The following ZBTB46 variants were observed in gnomAD, a reference collection of about 807,000 sequenced individuals.
ZBTB46 encodes the protein zinc finger and BTB domain containing 46.
ZBTB46 carries 8 observed loss-of-function variants against 44.1 expected under a neutral mutation model. The observed-to-expected ratio is 0.18, with a 90% CI of 0.11 to 0.33. ZBTB46 has a LOEUF of 0.33. Ranked by LOEUF, ZBTB46 falls within the 10% of genes least tolerant of loss-of-function variation. The pLI is 1.00. For missense variants in ZBTB46, 651 were observed against 847.7 expected (o/e 0.77, Z 2.88); for synonymous variants, 409 against 382.3 (o/e 1.07, Z -0.81).
At chr20:63,759,666 AG>A (rs1355093158) in intron 3 of ZBTB46, among the ~76,000 whole-genome samples, 1 of 152,210 alleles carries the variant, frequency 6.6e-6, no homozygotes, top group East Asian at 1.9e-4. Context: ...CAACCCGGGC[AG>A]GATCTCCAGC....
intron 1 of ZBTB46, chr20:63,808,076 C>A (rs559397362): frequency 6.5e-6 from 1 of 153,126 alleles, no homozygotes; most frequent in South Asian, 2.0e-4. Context: ...GGGACACTCA[C>A]GGAAGCTGAA....
chr20:63,802,809 G>A (rs2145989539), intron 1 of ZBTB46, among the ~76,000 whole-genome samples: 1 of 148,604 alleles, frequency 6.7e-6, no homozygotes, highest in East Asian at 2.0e-4. Context: ...CCGAACCTCA[G>A]GCCCCCAGCA....
intron 2 of ZBTB46, chr20:63,788,092 C>T (rs1270523952): frequency 6.6e-6 from 1 of 152,328 alleles, no homozygotes; most frequent in East Asian, 1.9e-4. Context: ...ACGGGCAGCA[C>T]CTGCTAGGAC....
chr20:63,826,587 T>C (rs2092820640), intron 1 of ZBTB46, among the ~76,000 whole-genome samples: 3 of 149,766 alleles, frequency 2.0e-5, no homozygotes, highest in Middle Eastern at 7.0e-3. Context: ...TAGCCGGGCA[T>C]GTTGGCAGAC....
chr20:63,812,252 G>A (rs539595381), intron 1 of ZBTB46, among the ~76,000 whole-genome samples: 1 of 152,354 alleles, frequency 6.6e-6, no homozygotes, highest in East Asian at 1.9e-4. Context: ...GCTCAGGCCT[G>A]TGATCCCAGC....
intron 3 of ZBTB46, among the ~76,000 whole-genome samples, chr20:63,763,852 T>C (rs1315465287): frequency 6.6e-6 from 1 of 152,258 alleles, no homozygotes; most frequent in Non-Finnish European, 1.5e-5. Context: ...AATAGTGTCA[T>C]ATGTTTTGCT....
At chr20:63,781,868 A>G (rs1268112901) in intron 2 of ZBTB46, among the ~76,000 whole-genome samples, 1 of 151,596 alleles carries the variant, frequency 6.6e-6, no homozygotes, top group Non-Finnish European at 1.5e-5. Context: ...GGCAGATCAC[A>G]AGGTCAGGAG....
intron 3 of ZBTB46, chr20:63,768,086 C>A: frequency 1.0e-6 from 1 of 985,432 alleles, no homozygotes; most frequent in Non-Finnish European, 1.2e-6. Context: ...GGATGTTGTC[C>A]AATCACTACT....
chr20:63,811,987 T>C (rs1414932114), intron 1 of ZBTB46, among the ~76,000 whole-genome samples: 1 of 152,174 alleles, frequency 6.6e-6, no homozygotes, highest in Admixed American at 6.5e-5. Flanking sequence ...CATTAAAATA[T>C]TCAAAAGAAC....
intron 1 of ZBTB46, among the ~76,000 whole-genome samples, chr20:63,828,331 G>A (rs998104939): frequency 1.3e-5 from 2 of 152,256 alleles, no homozygotes; most frequent in Non-Finnish European, 2.9e-5. Context: ...GACGGCAAGA[G>A]GACCACAATC....
upstream of ZBTB46, among the ~76,000 whole-genome samples, chr20:63,831,619 T>G (rs943665656): frequency 6.8e-6 from 1 of 146,350 alleles, no homozygotes; most frequent in Non-Finnish European, 1.5e-5. Context: ...GGGGTCCCCC[T>G]GGCCCCCGCT....
At position 63,745,425 on chromosome 20, in the gene ZBTB46, C is replaced by T. The variant is rs1487970858; in HGVS notation, c.*1505G>A. On this transcript the variant is annotated 3_prime_UTR_variant, in exon 5 of 5. Coordinates refer to ENST00000245663, the MANE Select transcript of ZBTB46 (RefSeq NM_001369741.1). ...AGGACCCCCGGCCAGCCCCAGCCCT[C>T]CCCGAGCAGCAGCGGTCAGGGAAGC... is the stretch of plus-strand genomic sequence containing the variant. 1 of 152,276 alleles carries T rather than the reference C, an allele frequency of 6.6e-6. No homozygotes were observed. Among genetic ancestry groups the T allele is most frequent in the Non-Finnish European group, 1.5e-5 (1 of 68,080 alleles). The allele number at this position is 152,276 out of a possible 1,614,324, so 9.4% of individuals were successfully genotyped here. A position where few individuals can be genotyped will look rare whatever the true frequency, so the allele number is the denominator to read the frequency against.
At chr20:63,761,913 C>T (rs1029597606) in intron 3 of ZBTB46, among the ~76,000 whole-genome samples, 4 of 151,968 alleles carry the variant, frequency 2.6e-5, no homozygotes, top group Non-Finnish European at 5.9e-5. Flanking sequence ...ATTTCTAATT[C>T]CAGTTTGCTA....
At chr20:63,759,266 A>C (rs1292940732) in intron 3 of ZBTB46, among the ~76,000 whole-genome samples, 3 of 116,994 alleles carry the variant, frequency 2.6e-5, no homozygotes, top group Non-Finnish European at 5.3e-5. Context: ...CATTGGCTGT[A>C]TATCCAGTAT....
intron 1 of ZBTB46, among the ~76,000 whole-genome samples, chr20:63,797,516 C>G (rs967885343): frequency 6.6e-6 from 1 of 152,038 alleles, no homozygotes; most frequent in Admixed American, 6.6e-5. Flanking sequence ...GGGTATATAC[C>G]CAGTAATGGG....
chr20:63,765,401 G>A (rs1266251803), intron 3 of ZBTB46, among the ~76,000 whole-genome samples: 1 of 152,126 alleles, frequency 6.6e-6, no homozygotes, highest in Non-Finnish European at 1.5e-5. Context: ...CACCTGCACT[G>A]GCCCCCTTCC....
At chr20:63,804,953 G>A (rs1361045100) in intron 1 of ZBTB46, among the ~76,000 whole-genome samples, 9 of 145,014 alleles carry the variant, frequency 6.2e-5, no homozygotes, top group Non-Finnish European at 1.0e-4. Flanking sequence ...AAGGAGTCTC[G>A]CTCTGTTGCC....
At chr20:63,775,526 C>G (rs971769739) in intron 3 of ZBTB46, 152 bp downstream of exon 3, 4 of 1,030,856 alleles carry the variant, frequency 3.9e-6, no homozygotes, top group Admixed American at 3.1e-5. Flanking sequence ...CAGGCTGTGA[C>G]GCCGCATCCT....
intron 3 of ZBTB46, 67 bp downstream of exon 3, chr20:63,775,611 C>A: frequency 6.6e-7 from 1 of 1,504,044 alleles, no homozygotes; most frequent in Non-Finnish European, 8.9e-7. Flanking sequence ...CATCTTGGCC[C>A]GGGACCTGCA....
Sources: allele counts gnomAD v4.1 joint callset (sites outside exome capture counted in the v4.1 genomes callset), GRCh38; gene constraint gnomAD v4.1.1; transcripts MANE v1.5; gene names NCBI Gene and HGNC (gene_info 2026-07-23, HGNC 2026-07-21).